The following ELMOD1 variants were observed in gnomAD, a reference collection of about 807,000 sequenced individuals.
ELMOD1 encodes the protein ELMO domain-containing protein 1.
Under a neutral mutation model 46.7 loss-of-function variants are expected in ELMOD1, and 21 were observed. The observed-to-expected ratio is 0.45, with a 90% CI of 0.32 to 0.65. The LOEUF (loss-of-function observed/expected upper bound fraction) is 0.65, where lower values mean the gene tolerates loss of function less well. Ranked by LOEUF, ELMOD1 falls within the 30% of genes least tolerant of loss-of-function variation. The probability of loss-of-function intolerance (pLI) is 0.04; values close to 1 mark genes in which losing one functional copy is unlikely to be tolerated. For missense variants in ELMOD1, 348 were observed against 407.8 expected (o/e 0.85, Z 1.26); for synonymous variants, 122 against 138.2 (o/e 0.88, Z 0.82).
At chr11:107,611,761 T>C (rs1171290405) in intron 1 of ELMOD1, among the ~76,000 whole-genome samples, 4 of 134,152 alleles carry the variant, frequency 3.0e-5, no homozygotes, top group South Asian at 2.4e-4. Context: ...CACTTCTCAA[T>C]AGAAGACATA....
At chr11:107,626,712 G>T (rs1866050436) in intron 2 of ELMOD1, among the ~76,000 whole-genome samples, 1 of 148,334 alleles carries the variant, frequency 6.7e-6, no homozygotes, top group South Asian at 2.1e-4. Flanking sequence ...AGCATTTACA[G>T]ATCTATTTCT....
chr11:107,655,101 C>G (rs1007758798), intron 10 of ELMOD1, among the ~76,000 whole-genome samples: 1 of 152,130 alleles, frequency 6.6e-6, no homozygotes, highest in Non-Finnish European at 1.5e-5. Flanking sequence ...TCTTATTACT[C>G]TAGCATGCTC....
chr11:107,615,297 G>A (rs1000263157), intron 1 of ELMOD1, among the ~76,000 whole-genome samples: 2 of 141,832 alleles, frequency 1.4e-5, no homozygotes, highest in African/African-American at 5.3e-5. Flanking sequence ...GTGCAGTGGC[G>A]TGATCTCGGC....
chr11:107,644,916 T>TG (rs987642645), intron 6 of ELMOD1, among the ~76,000 whole-genome samples: 8 of 118,356 alleles, frequency 6.8e-5, no homozygotes, highest in East Asian at 2.1e-4. Flanking sequence ...GGGTTTTTGT[T>TG]TTTGTTTTTG....
chr11:107,633,003 A>C (rs1241492758), intron 5 of ELMOD1, among the ~76,000 whole-genome samples: 1 of 152,178 alleles, frequency 6.6e-6, no homozygotes, highest in Non-Finnish European at 1.5e-5. Context: ...GACAGATTGC[A>C]TCTATTATTA....
chr11:107,639,405 T>C (rs1393133847), intron 6 of ELMOD1, among the ~76,000 whole-genome samples: 2 of 152,214 alleles, frequency 1.3e-5, no homozygotes, highest in Non-Finnish European at 2.9e-5. Context: ...TAGACATTTC[T>C]ATTAAAAGTA....
intron 2 of ELMOD1, among the ~76,000 whole-genome samples, chr11:107,622,049 G>A (rs542204064): frequency 3.9e-5 from 6 of 152,014 alleles, no homozygotes; most frequent in Admixed American, 1.3e-4. Context: ...AATGTGAGAC[G>A]TCTCTGTTCC....
chr11:107,618,944 A>G (rs1458807751), intron 2 of ELMOD1, among the ~76,000 whole-genome samples: 1 of 152,214 alleles, frequency 6.6e-6, no homozygotes, highest in Non-Finnish European at 1.5e-5. Context: ...GTGAGAAAAT[A>G]CAACATACTT....
intron 2 of ELMOD1, among the ~76,000 whole-genome samples, chr11:107,621,857 T>C (rs777339960): frequency 6.6e-6 from 1 of 152,076 alleles, no homozygotes; most frequent in Non-Finnish European, 1.5e-5. Context: ...TGAAACCCCA[T>C]CTCTACTAAA....
chr11:107,608,092 A>C (rs1022996699), intron 1 of ELMOD1, among the ~76,000 whole-genome samples: 2 of 151,350 alleles, frequency 1.3e-5, no homozygotes, highest in Non-Finnish European at 2.9e-5. Context: ...TAAATCTAGG[A>C]GAGTGGAACA....
rs768029229 is a variant in ELMOD1, at chr11:107,665,037, A to G, written c.845A>G (p.His282Arg). Residue 282 changes from histidine to arginine, a missense_variant, in exon 12 of 12, where the codon CAT (histidine) becomes CGT (arginine). His to Arg is a conservative substitution (Grantham distance 29). Coordinates refer to ENST00000265840, the MANE Select transcript of ELMOD1 (RefSeq NM_018712.4). ...TTGTCTCCAACAGGCTATTTGATGCATGAATTTCATAAGTTTTGGATCGAA... is the reference window on the plus strand; with the variant it reads ...TTGTCTCCAACAGGCTATTTGATGCGTGAATTTCATAAGTTTTGGATCGAA... The part of the protein sequence containing the change: ...HFQQTFCYLM[H>R]EFHKFWIEED... 6.2e-7 allele frequency: 1 copy of G among 1,613,230 alleles called. No homozygotes were observed. The highest frequency in any genetic ancestry group is 1.1e-5 in the South Asian group (1 of 90,918).
rs1865891593 is a variant in ELMOD1, at chr11:107,618,141, AT to A, written c.-47del. ...TTTGACAAAGGCAAATTTGGAAGCA[AT>A]TACTTGAGGACAGTTCATATAGCAT... is the stretch of plus-strand genomic sequence containing the variant. On this transcript the variant is annotated 5_prime_UTR_variant, in exon 2 of 12. Coordinates refer to ENST00000265840, the MANE Select transcript of ELMOD1 (RefSeq NM_018712.4). 6.4e-7 allele frequency: 1 copy of A among 1,555,904 alleles called. No individual in the cohort carries two copies. The highest frequency in any genetic ancestry group is 1.4e-5 in the African/African-American group (1 of 73,520).
chr11:107,645,089 ATTTTTTTTTTT>A (rs11390120), intron 6 of ELMOD1, among the ~76,000 whole-genome samples: 1 of 103,206 alleles, frequency 9.7e-6, no homozygotes, highest in African/African-American at 3.8e-5. Context: ...TGCCTGGCTA[ATTTTTTTTTTT>A]TTTTTTTTTT....
chr11:107,629,676 A>G (rs150979032), intron 2 of ELMOD1, among the ~76,000 whole-genome samples: 46 of 152,348 alleles, frequency 3.0e-4, no homozygotes, highest in African/African-American at 9.4e-4. Context: ...TACAGTAAAG[A>G]AAACTTTCTT....
chr11:107,603,499 A>G (rs751204840), intron 1 of ELMOD1, among the ~76,000 whole-genome samples: 1 of 152,160 alleles, frequency 6.6e-6, no homozygotes. Flanking sequence ...AGATCATGCC[A>G]CTGCACTCCA....
rs762563995 is a variant in ELMOD1 at position 107,650,294 on chromosome 11, A to C, written c.555-41A>C. Reference sequence around the variant, plus strand: ...TTAAAATGAATATATTCAGCGAGTAAGCAAGTATAGAGTTACGGTTTTCTT... The same window carrying C: ...TTAAAATGAATATATTCAGCGAGTACGCAAGTATAGAGTTACGGTTTTCTT... On this transcript the variant is annotated intron_variant, in intron 7 of 11. Transcript: ENST00000265840. 5.7e-6 allele frequency: 8 copies of C among 1,412,160 alleles called. No homozygotes were observed. In the South Asian group the frequency reaches 8.7e-5, roughly 15 times the overall value. The allele number at this position is 1,412,160 out of a possible 1,614,324, so 87.5% of individuals were successfully genotyped here. A position where few individuals can be genotyped will look rare whatever the true frequency, so the allele number is the denominator to read the frequency against.
chr11:107,666,576 C>G lies in ELMOD1; in HGVS notation c.*1379C>G, dbSNP rs1591145979. On this transcript the variant is annotated 3_prime_UTR_variant, in exon 12 of 12. Coordinates refer to ENST00000265840, the MANE Select transcript of ELMOD1 (RefSeq NM_018712.4). ...GAACTGCTAAAAATCATTTTAAAAA[C>G]CATGATTTAGTTTGGAATTATGATT... is the stretch of plus-strand genomic sequence containing the variant. 6.6e-6 allele frequency: 1 copy of G among 152,530 alleles called. No individual in the cohort carries two copies. Among genetic ancestry groups the G allele is most frequent in the African/African-American group, 2.4e-5 (1 of 41,414 alleles). The allele number at this position is 152,530 out of a possible 1,614,324, so 9.4% of individuals were successfully genotyped here.
At chr11:107,591,704 C>A in intron 1 of ELMOD1, 3 of 369,170 alleles carry the variant, frequency 8.1e-6, no homozygotes, top group Non-Finnish European at 1.7e-5. Context: ...GGGCGTAGGT[C>A]GCCTAGCGAC....
intron 6 of ELMOD1, among the ~76,000 whole-genome samples, chr11:107,641,279 AAG>A (rs1866317757): frequency 2.0e-5 from 3 of 151,744 alleles, no homozygotes; most frequent in African/African-American, 7.3e-5. Flanking sequence ...GTGACAGAGA[AAG>A]ACTCTGTCTC....
Sources: gnomAD v4.1 joint callset for allele counts (sites outside exome capture counted in the v4.1 genomes callset) on GRCh38, gnomAD v4.1.1 for gene constraint, MANE v1.5 for transcripts, NCBI Gene and HGNC (gene_info 2026-07-23, HGNC 2026-07-21) for gene names.